Variants in ACSS1 observed in about 807,000 individuals in gnomAD.
The protein encoded by ACSS1 is acyl-CoA synthetase short chain family member 1, also known as acetyl-coenzyme A synthetase 2-like, mitochondrial.
A neutral mutation model predicts 75.3 loss-of-function variants in ACSS1; 42 were observed. The ratio of observed to expected loss-of-function variants is 0.56; its 90% CI spans 0.44 to 0.72. The LOEUF (loss-of-function observed/expected upper bound fraction) is 0.72, where lower values mean the gene tolerates loss of function less well. Ranked by LOEUF, ACSS1 falls within the 30% of genes least tolerant of loss-of-function variation. The probability of loss-of-function intolerance (pLI) is 0.00; values close to 1 mark genes in which losing one functional copy is unlikely to be tolerated. For missense variants in ACSS1, 782 were observed against 935.7 expected (o/e 0.84, Z 2.14); for synonymous variants, 380 against 376.8 (o/e 1.01, Z -0.10).
intron 13 of ACSS1, 25 bp downstream of exon 13, chr20:25,009,245 C>T (rs1265893358): frequency 6.5e-7 from 1 of 1,536,792 alleles, no homozygotes; most frequent in East Asian, 2.2e-5. Context: ...CAGCACAGCC[C>T]CATCTTTGTG....
Position 25,006,930 on chromosome 20 carries a change from C to G in ACSS1, c.*832G>C. On this transcript the variant is annotated 3_prime_UTR_variant, in exon 14 of 14. Transcript: ENST00000323482. ...GAACCCAACTATTTGGAGTATGTTG[C>G]CTCTCCTATCAAGAGGCATCTGGGG... 6.5e-7 allele frequency: 1 copy of G among 1,535,442 alleles called. No individual in the cohort carries two copies. Among genetic ancestry groups the G allele is most frequent in the Non-Finnish European group, 8.7e-7 (1 of 1,146,720 alleles).
chr20:25,048,857 A>C (rs1251227927), intron 1 of ACSS1, among the ~76,000 whole-genome samples: 1 of 152,180 alleles, frequency 6.6e-6, no homozygotes, highest in Non-Finnish European at 1.5e-5. Context: ...CGTGAGACTG[A>C]GGATTAGCAG....
chr20:25,033,117 C>T (rs1465267426), intron 2 of ACSS1, among the ~76,000 whole-genome samples: 4 of 151,356 alleles, frequency 2.6e-5, no homozygotes, highest in Non-Finnish European at 5.9e-5. Context: ...CTGGGGTGGC[C>T]TGTGACCGGC....
intron 2 of ACSS1, among the ~76,000 whole-genome samples, chr20:25,044,961 G>A (rs2089063091): frequency 6.6e-6 from 1 of 152,226 alleles, no homozygotes; most frequent in South Asian, 2.1e-4. Flanking sequence ...GAGGAAGCGG[G>A]GCAAAACCGC....
chr20:25,049,389 A>G (rs73348712), intron 1 of ACSS1, among the ~76,000 whole-genome samples: 10,786 of 152,020 alleles, frequency 0.071, 1,307 homozygotes, highest in African/African-American at 0.25. Context: ...TAGGAGCAAA[A>G]AGAAGGAGCA....
At chr20:25,028,308 G>GA (rs1391605324) in intron 3 of ACSS1, among the ~76,000 whole-genome samples, 1 of 152,058 alleles carries the variant, frequency 6.6e-6, no homozygotes, top group Non-Finnish European at 1.5e-5. Context: ...AAACAATCTT[G>GA]AAAAAAGAAG....
chr20:25,042,777 G>A (rs772919903), intron 2 of ACSS1, among the ~76,000 whole-genome samples: 12 of 152,106 alleles, frequency 7.9e-5, no homozygotes, highest in Non-Finnish European at 1.6e-4. Flanking sequence ...CAGCCATGGG[G>A]CCACCCATGT....
At chr20:25,038,782 G>A (rs935450340) in intron 2 of ACSS1, among the ~76,000 whole-genome samples, 2 of 152,142 alleles carry the variant, frequency 1.3e-5, no homozygotes, top group East Asian at 3.9e-4. Flanking sequence ...CACTCAGCCC[G>A]AGGCCTGTGC....
At chr20:25,049,736 G>A (rs1390134987) in intron 1 of ACSS1, among the ~76,000 whole-genome samples, 1 of 152,086 alleles carries the variant, frequency 6.6e-6, no homozygotes, top group South Asian at 2.1e-4. Context: ...TTATGGATGG[G>A]AGAACAGAGG....
At chr20:25,048,246 T>G (rs1213881101) in intron 1 of ACSS1, 65 bp from the exon 2 acceptor site, 1 of 1,468,482 alleles carries the variant, frequency 6.8e-7, no homozygotes, top group East Asian at 2.3e-5. Flanking sequence ...TCGGCCAGGT[T>G]GAGGGGTTGG....
At position 25,058,110 on chromosome 20, in the gene ACSS1, G is replaced by A; in HGVS notation, c.-8C>T. 8.0e-7 allele frequency: 1 copy of A among 1,246,930 alleles called. No individual in the cohort carries two copies. The highest frequency in any genetic ancestry group is 1.0e-6 in the Non-Finnish European group (1 of 997,862). 77.2% of individuals were successfully genotyped at this position (1,246,930 alleles called of 1,614,324 possible). ...CAGGGTGCGCGCCGCCATCTAGGCA[G>A]GCTACCTGAGCTCTCTGTGCTCCCA... On this transcript the variant is annotated 5_prime_UTR_variant, in exon 1 of 14. Transcript: ENST00000323482.
chr20:25,052,071 C>G (rs867727167), intron 1 of ACSS1, among the ~76,000 whole-genome samples: 1 of 152,182 alleles, frequency 6.6e-6, no homozygotes, highest in South Asian at 2.1e-4. Flanking sequence ...GACAGTGGCC[C>G]TAACACCCAT....
intron 2 of ACSS1, among the ~76,000 whole-genome samples, chr20:25,039,827 G>A (rs896230674): frequency 2.0e-5 from 3 of 152,216 alleles, no homozygotes; most frequent in Non-Finnish European, 4.4e-5. Flanking sequence ...TTGGCCTTTG[G>A]CCCAAGTCTT....
chr20:25,019,023 C>T (rs961567967), intron 7 of ACSS1, among the ~76,000 whole-genome samples: 1 of 152,212 alleles, frequency 6.6e-6, no homozygotes, highest in South Asian at 2.1e-4. Flanking sequence ...GCCTGTGGCC[C>T]GGATGCCCGC....
chr20:25,036,546 TTCAA>T (rs1451103170), intron 2 of ACSS1, among the ~76,000 whole-genome samples: 1 of 152,146 alleles, frequency 6.6e-6, no homozygotes, highest in Non-Finnish European at 1.5e-5. Flanking sequence ...TCATCTGTCT[TTCAA>T]TCAGAGCTAG....
In ACSS1 at chr20:25,034,923, C is replaced by T. The variant is rs572069780; in HGVS notation, c.432-3965G>A. On this transcript the variant is annotated intron_variant, in intron 2 of 13. Coordinates refer to ENST00000323482, the MANE Select transcript of ACSS1 (RefSeq NM_032501.4). ...TTTTGTTTTTTTTGAGATGGAGTCT[C>T]GCTCTGTTGCCGAGGCTGGAGTGCA... is the stretch of plus-strand genomic sequence containing the variant. 5.3e-5 allele frequency among the ~76,000 whole-genome samples: 8 copies of T among 151,150 alleles called. No individual in the cohort carries two copies. The South Asian group carries it at 1.5e-3, about 28-fold the overall frequency.
intron 2 of ACSS1, among the ~76,000 whole-genome samples, chr20:25,047,280 T>C (rs141934822): frequency 3.9e-5 from 6 of 152,182 alleles, no homozygotes; most frequent in Non-Finnish European, 8.8e-5. Context: ...CCCAGCCACA[T>C]GCACCTTCCC....
intron 1 of ACSS1, among the ~76,000 whole-genome samples, chr20:25,050,171 G>A (rs2089156237): frequency 6.6e-6 from 1 of 152,080 alleles, no homozygotes. Flanking sequence ...CCCTGACCAG[G>A]GTGTGCAGGC....
At chr20:25,046,836 G>C (rs371058870) in intron 2 of ACSS1, 1 of 779,802 alleles carries the variant, frequency 1.3e-6, no homozygotes, top group Non-Finnish European at 2.4e-6. Flanking sequence ...GAAGAATGCT[G>C]CTGGCCTATG....
Sources: gnomAD v4.1 joint callset for allele counts (sites outside exome capture counted in the v4.1 genomes callset) on GRCh38, gnomAD v4.1.1 for gene constraint, MANE v1.5 for transcripts, NCBI Gene and HGNC (gene_info 2026-07-23, HGNC 2026-07-21) for gene names.